The following MALRD1 variants were observed in gnomAD, a reference collection of about 807,000 sequenced individuals.
MALRD1 encodes MAM and LDL-receptor class A domain-containing protein 1.
A neutral mutation model predicts 242.1 loss-of-function variants in MALRD1; 247 were observed. The ratio of observed to expected loss-of-function variants is 1.02; its 90% CI spans 0.92 to 1.13. The LOEUF (loss-of-function observed/expected upper bound fraction) is 1.13, where lower values mean the gene tolerates loss of function less well. MALRD1 is among the 50% of genes most tolerant of loss of function. MALRD1 has a pLI of 0.00. For synonymous variants in MALRD1, 995 were observed against 866.6 expected (o/e 1.15, Z -2.60); for missense variants, 2,989 against 2,533.1 (o/e 1.18, Z -3.86).
chr10:19,711,737 G>C (rs1174558341), intron 38 of MALRD1, among the ~76,000 whole-genome samples: 1 of 152,218 alleles, frequency 6.6e-6, no homozygotes, highest in Non-Finnish European at 1.5e-5. Flanking sequence ...GTTTGGTCTA[G>C]GCCCTGCTGC....
At chr10:19,099,991 C>A (rs779317685) in intron 4 of MALRD1, among the ~76,000 whole-genome samples, 1 of 152,190 alleles carries the variant, frequency 6.6e-6, no homozygotes, top group Non-Finnish European at 1.5e-5. Context: ...GAACTCCTGA[C>A]CTCAGGTGAT....
intron 31 of MALRD1, among the ~76,000 whole-genome samples, chr10:19,512,799 A>G (rs1226583704): frequency 2.0e-5 from 3 of 152,172 alleles, no homozygotes; most frequent in African/African-American, 4.8e-5. Context: ...CATTTTAGCA[A>G]TTTTAGACTA....
At chr10:19,467,600 C>A (rs1471341664) in intron 29 of MALRD1, among the ~76,000 whole-genome samples, 3 of 151,580 alleles carry the variant, frequency 2.0e-5, no homozygotes, top group Admixed American at 6.6e-5. Flanking sequence ...TAATTCACCC[C>A]ACAATAATGC....
At chr10:19,138,317 A>G (rs368357764) in intron 10 of MALRD1, among the ~76,000 whole-genome samples, 1 of 152,108 alleles carries the variant, frequency 6.6e-6, no homozygotes, top group South Asian at 2.1e-4. Context: ...TTTTACAGAC[A>G]ATTTGCTTCA....
At chr10:19,208,986 G>A (rs1282872945) in intron 17 of MALRD1, among the ~76,000 whole-genome samples, 1 of 152,092 alleles carries the variant, frequency 6.6e-6, no homozygotes, top group African/African-American at 2.4e-5. Context: ...TGGAGTTATG[G>A]TCATAGAAAT....
In MALRD1 at chr10:19,137,670, A is replaced by G. The variant is rs78115681; in HGVS notation, c.1411+889A>G. The stretch of plus-strand genomic sequence containing the variant: ...CCATGACTGGCGTTTGGGAGGGCCA[A>G]AGTGCCCCAACACCTTTCTTTCAGG... On this transcript the variant is annotated intron_variant, in intron 10 of 39. Transcript: ENST00000454679. 0.015 allele frequency among the ~76,000 whole-genome samples: 2,340 copies of G among 152,048 alleles called. 115 individuals are homozygous for G. The East Asian group carries it at 0.19, about 12-fold the overall frequency.
intron 26 of MALRD1, among the ~76,000 whole-genome samples, chr10:19,374,621 C>T (rs1845524325): frequency 6.6e-6 from 1 of 152,140 alleles, no homozygotes; most frequent in Non-Finnish European, 1.5e-5. Context: ...CATACACATG[C>T]ATATATACTG....
chr10:19,198,041 C>CT (rs933597441), intron 14 of MALRD1, among the ~76,000 whole-genome samples: 1 of 151,892 alleles, frequency 6.6e-6, no homozygotes, highest in African/African-American at 2.4e-5. Flanking sequence ...TTCTTTTTTT[C>CT]TTTTTTTGAG....
chr10:19,530,815 T>G (rs1012835347), intron 31 of MALRD1, among the ~76,000 whole-genome samples: 3 of 152,030 alleles, frequency 2.0e-5, no homozygotes, highest in Non-Finnish European at 4.4e-5. Context: ...CAACTGAAAA[T>G]AAGATACAAT....
At position 19,048,998 on chromosome 10, in the gene MALRD1, T is replaced by G; in HGVS notation, c.60T>G (p.Leu20=). 8.1e-7 allele frequency: 1 copy of G among 1,233,916 alleles called. No homozygotes were observed. Among genetic ancestry groups the G allele is most frequent in the Non-Finnish European group, 1.0e-6 (1 of 988,152 alleles). 76.4% of individuals were successfully genotyped at this position (1,233,916 alleles called of 1,614,324 possible). Residue 20 remains leucine (L), a synonymous_variant, in exon 1 of 40, where the codon CTT becomes CTG. Transcript: ENST00000454679. ...CCATGAATGAAACTTTTTGTTGCCT[T>G]TGGATTGCCTGTGTTTTCAATTCTA... The part of the protein sequence containing the change: ...AFPMNETFCC[L]WIACVFNSTL...
intron 18 of MALRD1, among the ~76,000 whole-genome samples, chr10:19,227,562 T>A (rs1466851307): frequency 2.0e-5 from 3 of 152,080 alleles, no homozygotes; most frequent in Non-Finnish European, 1.5e-5. Context: ...TAGCTAAAAA[T>A]TTTTTAGATA....
chr10:19,502,494 C>A (rs1181587483), intron 31 of MALRD1, among the ~76,000 whole-genome samples: 1 of 151,912 alleles, frequency 6.6e-6, no homozygotes, highest in Non-Finnish European at 1.5e-5. Context: ...TTGAAAATAT[C>A]AAAATTTATA....
At chr10:19,069,358 A>G (rs1198593504) in intron 2 of MALRD1, among the ~76,000 whole-genome samples, 1 of 152,018 alleles carries the variant, frequency 6.6e-6, no homozygotes, top group Non-Finnish European at 1.5e-5. Context: ...TAGCGTTCAC[A>G]TATATTGGTT....
Position 19,535,092 on chromosome 10 carries a change from G to A in MALRD1, c.5478+3741G>A, listed in dbSNP as rs565714499. Among the ~76,000 whole-genome samples, 3 of 152,086 alleles carry A rather than the reference G, an allele frequency of 2.0e-5. No individual in the cohort carries two copies. The South Asian group carries it at 6.2e-4, about 32-fold the overall frequency. On this transcript the variant is annotated intron_variant, in intron 32 of 39. Transcript: ENST00000454679. Reference sequence around the variant, plus strand: ...GTAGAGATGGCGTTTCACCATGTTGGCCAGGCTGGTCTTAATCTCCTGACC... The same window carrying A: ...GTAGAGATGGCGTTTCACCATGTTGACCAGGCTGGTCTTAATCTCCTGACC...
intron 36 of MALRD1, among the ~76,000 whole-genome samples, chr10:19,649,048 C>G (rs184768538): frequency 1.3e-5 from 2 of 152,152 alleles, no homozygotes; most frequent in Non-Finnish European, 2.9e-5. Context: ...GCTCCATCCA[C>G]GATCCCACAA....
At chr10:19,625,832 A>G (rs928725311) in intron 36 of MALRD1, among the ~76,000 whole-genome samples, 2 of 152,176 alleles carry the variant, frequency 1.3e-5, no homozygotes, top group Admixed American at 6.5e-5. Context: ...CAGCTAAATC[A>G]TCTCCGTAGC....
At chr10:19,048,743 T>C (rs770742653), upstream of MALRD1, 1 of 391,588 alleles carries the variant, frequency 2.6e-6, no homozygotes, top group Non-Finnish European at 4.5e-6. Context: ...TCAAGTTAAA[T>C]ATTTTCTAAA....
intron 18 of MALRD1, among the ~76,000 whole-genome samples, chr10:19,237,736 A>G (rs1259686240): frequency 2.7e-5 from 3 of 109,848 alleles, no homozygotes; most frequent in Non-Finnish European, 3.6e-5. Context: ...ATATAATTAT[A>G]TATAATTTAT....
chr10:19,519,222 T>C (rs1484558416), intron 31 of MALRD1, among the ~76,000 whole-genome samples: 1 of 152,132 alleles, frequency 6.6e-6, no homozygotes, highest in Non-Finnish European at 1.5e-5. Flanking sequence ...TTTTGCATAA[T>C]AGCATTTATT....
Sources: gnomAD v4.1 joint callset for allele counts (sites outside exome capture counted in the v4.1 genomes callset) on GRCh38, gnomAD v4.1.1 for gene constraint, MANE v1.5 for transcripts, NCBI Gene and HGNC (gene_info 2026-07-23, HGNC 2026-07-21) for gene names.